The following NEK5 variants were observed in gnomAD, a reference collection of about 807,000 sequenced individuals.
The protein encoded by NEK5 is serine/threonine-protein kinase Nek5.
A neutral mutation model predicts 109.2 loss-of-function variants in NEK5; 88 were observed. That is an observed-to-expected ratio of 0.81 (90% CI 0.68 to 0.96). NEK5 has a LOEUF of 0.96. Ranked by LOEUF, NEK5 falls within the 40% of genes least tolerant of loss-of-function variation. NEK5 has a pLI of 0.00. For synonymous variants in NEK5, 283 were observed against 299.9 expected (o/e 0.94, Z 0.58); for missense variants, 834 against 920.7 (o/e 0.91, Z 1.22).
chr13:52,091,126 C>A (rs900568813), intron 13 of NEK5, among the ~76,000 whole-genome samples: 3 of 152,104 alleles, frequency 2.0e-5, no homozygotes, highest in African/African-American at 7.2e-5. Context: ...GGAGGGGTTA[C>A]CAGGCATCAA....
rs1265588807 is a variant in NEK5, at chr13:52,110,504, A to C, written c.386T>G (p.Ile129Arg). 2.5e-6 allele frequency: 4 copies of C among 1,611,840 alleles called. No individual in the cohort carries two copies. The highest frequency in any genetic ancestry group is 3.4e-6 in the Non-Finnish European group (4 of 1,178,066). ...IHDRKILHRDIKAQNIFLSKN... is the reference protein window; with the variant it reads ...IHDRKILHRDRKAQNIFLSKN... ...TCTCTGAGCTGTTACCTGAGCTTTT[A>C]TGTCCCTGTGTAATATCTTCCTGTC... The change falls in exon 6 of 24, where the codon ATA becomes AGA. Residue 129 changes from isoleucine to arginine, a missense_variant. Ile to Arg is a moderately conservative substitution (Grantham distance 97). Transcript: ENST00000684899.
chr13:52,069,880 C>T (rs1353128075), intron 20 of NEK5, among the ~76,000 whole-genome samples: 1 of 152,198 alleles, frequency 6.6e-6, no homozygotes, highest in Admixed American at 6.5e-5. Context: ...CTCCCTGACT[C>T]TCCACCCAGC....
chr13:52,046,966 G>C (rs1180207619), intron 23 of NEK5, among the ~76,000 whole-genome samples: 1 of 152,174 alleles, frequency 6.6e-6, no homozygotes, highest in African/African-American at 2.4e-5. Context: ...TTTCCTGAAA[G>C]AGGAAATAAA....
At chr13:52,043,314 G>A (rs1954429349) in intron 23 of NEK5, among the ~76,000 whole-genome samples, 1 of 151,854 alleles carries the variant, frequency 6.6e-6, no homozygotes, top group Admixed American at 6.6e-5. Context: ...TGAGGTGGGT[G>A]AATCACAAGG....
chr13:52,071,801 A>G, intron 20 of NEK5, 143 bp downstream of exon 20: 2 of 697,198 alleles, frequency 2.9e-6, no homozygotes, highest in Non-Finnish European at 5.0e-6. Flanking sequence ...CAGGAGAATA[A>G]TAAGTGTGTT....
chr13:52,051,007 C>T (rs1224778034), intron 22 of NEK5, among the ~76,000 whole-genome samples: 3 of 151,374 alleles, frequency 2.0e-5, no homozygotes, highest in Non-Finnish European at 4.4e-5. Context: ...TGTGAGCCAC[C>T]GTGCCCGGCC....
chr13:52,043,536 CA>C (rs559454334), intron 23 of NEK5, among the ~76,000 whole-genome samples: 180 of 51,234 alleles, frequency 3.5e-3, no homozygotes, highest in African/African-American at 7.3e-3. Flanking sequence ...GACTCCATCT[CA>C]AAAAAAAAAA....
intron 12 of NEK5, among the ~76,000 whole-genome samples, chr13:52,097,296 C>G (rs933525581): frequency 6.6e-6 from 1 of 152,210 alleles, no homozygotes; most frequent in African/African-American, 2.4e-5. Flanking sequence ...CCACCATTCT[C>G]CTGACTCCAA....
intron 8 of NEK5, among the ~76,000 whole-genome samples, chr13:52,105,638 G>T (rs1955638306): frequency 6.6e-6 from 1 of 152,042 alleles, no homozygotes. Flanking sequence ...GTTCCCAGAG[G>T]ACCCTCTGCA....
chr13:52,099,187 A>G (rs1425639849), intron 12 of NEK5, among the ~76,000 whole-genome samples: 1 of 151,924 alleles, frequency 6.6e-6, no homozygotes, highest in Non-Finnish European at 1.5e-5. Context: ...ATAAATATAT[A>G]CACTTACTAT....
At chr13:52,051,259 T>C (rs1954503688) in intron 22 of NEK5, among the ~76,000 whole-genome samples, 1 of 152,166 alleles carries the variant, frequency 6.6e-6, no homozygotes, top group African/African-American at 2.4e-5. Flanking sequence ...ACTGGCCTTT[T>C]AGTTAGCTTA....
intron 17 of NEK5, among the ~76,000 whole-genome samples, chr13:52,079,536 G>A (rs895673251): frequency 1.3e-5 from 2 of 152,274 alleles, no homozygotes; most frequent in African/African-American, 2.4e-5. Context: ...TCCTAACAGC[G>A]AGTGATCCGC....
At chr13:52,067,204 G>C (rs1448225731) in intron 20 of NEK5, among the ~76,000 whole-genome samples, 1 of 151,898 alleles carries the variant, frequency 6.6e-6, no homozygotes, top group African/African-American at 2.4e-5. Context: ...AGAAGCTCCA[G>C]GATTCTCCAA....
At chr13:52,086,398 T>C (rs1474582047) in intron 15 of NEK5, 35 bp from the exon 16 acceptor site, 1 of 1,221,532 alleles carries the variant, frequency 8.2e-7, no homozygotes, top group African/African-American at 1.5e-5. Context: ...ACTTTAAATG[T>C]TTATGAACAC....
intron 12 of NEK5, among the ~76,000 whole-genome samples, chr13:52,094,541 T>C (rs1163596723): frequency 6.6e-6 from 1 of 152,132 alleles, no homozygotes; most frequent in African/African-American, 2.4e-5. Flanking sequence ...CCCAGAACTT[T>C]GGGAGGCTGA....
intron 13 of NEK5, among the ~76,000 whole-genome samples, chr13:52,090,563 T>G (rs1327538980): frequency 6.6e-6 from 1 of 152,210 alleles, no homozygotes; most frequent in African/African-American, 2.4e-5. Context: ...AGATAGTTCT[T>G]GAATCAAATG....
intron 4 of NEK5, among the ~76,000 whole-genome samples, chr13:52,113,833 A>G (rs968173510): frequency 2.0e-5 from 3 of 152,196 alleles, no homozygotes. Flanking sequence ...GCCCACATTA[A>G]TGGATTGCTG....
At chr13:52,074,132 T>C (rs1954827029) in intron 19 of NEK5, among the ~76,000 whole-genome samples, 1 of 151,978 alleles carries the variant, frequency 6.6e-6, no homozygotes, top group Non-Finnish European at 1.5e-5. Flanking sequence ...AAAAAAACTA[T>C]TCTAAAATTC....
chr13:52,103,211 C>T (rs977616251), intron 9 of NEK5, among the ~76,000 whole-genome samples: 2 of 152,096 alleles, frequency 1.3e-5, no homozygotes, highest in Non-Finnish European at 2.9e-5. Flanking sequence ...GGCAGATCAC[C>T]CAAGGTCAGG....
Sources: allele counts gnomAD v4.1 joint callset (sites outside exome capture counted in the v4.1 genomes callset), GRCh38; gene constraint gnomAD v4.1.1; transcripts MANE v1.5; gene names NCBI Gene and HGNC (gene_info 2026-07-23, HGNC 2026-07-21).